The following LINGO2 variants were observed in gnomAD, a reference collection of about 807,000 sequenced individuals.
LINGO2 encodes the protein leucine rich repeat and Ig domain containing 2, also known as leucine-rich repeat and immunoglobulin-like domain-containing nogo receptor-interacting protein 2.
A neutral mutation model predicts 30.6 loss-of-function variants in LINGO2; 14 were observed. The observed-to-expected ratio is 0.46, with a 90% confidence interval of 0.30 to 0.72. The LOEUF (loss-of-function observed/expected upper bound fraction) is 0.72, where lower values mean the gene tolerates loss of function less well. Among genes scored for constraint, LINGO2 ranks in the 30% least tolerant of loss-of-function variants. The probability of loss-of-function intolerance (pLI) is 0.07; values close to 1 mark genes in which losing one functional copy is unlikely to be tolerated. For missense variants in LINGO2, 729 were observed against 751.7 expected (o/e 0.97, Z 0.35); for synonymous variants, 317 against 288.5 (o/e 1.10, Z -1.00).
the LINGO2 span, among the ~76,000 whole-genome samples, chr9:28,881,977 T>A: frequency 6.6e-6 from 1 of 152,240 alleles, no homozygotes; most frequent in Non-Finnish European, 1.5e-5. Flanking sequence ...TTTAATATTG[T>A]CAATTATATT....
chr9:29,126,426 A>C, the LINGO2 span, among the ~76,000 whole-genome samples: 1 of 152,142 alleles, frequency 6.6e-6, no homozygotes, highest in Non-Finnish European at 1.5e-5. Context: ...TAATAAATGT[A>C]ACCTTATGAT....
At chr9:28,928,775 G>C in the LINGO2 span, among the ~76,000 whole-genome samples, 1 of 152,114 alleles carries the variant, frequency 6.6e-6, no homozygotes, top group Non-Finnish European at 1.5e-5. Context: ...ATGAAATAGT[G>C]CAATTCCCTC....
the LINGO2 span, among the ~76,000 whole-genome samples, chr9:29,178,338 A>AT: frequency 8.6e-5 from 13 of 152,000 alleles, no homozygotes; most frequent in African/African-American, 2.2e-4. Context: ...TTATAGGCCC[A>AT]TTTTTTTCCT....
At chr9:28,554,000 G>A (rs188820277) in intron 1 of LINGO2, among the ~76,000 whole-genome samples, 227 of 152,102 alleles carry the variant, frequency 1.5e-3, no homozygotes, top group Admixed American at 2.9e-3. Flanking sequence ...TGAAGGAAGC[G>A]CTAAACTTAG....
At chr9:28,279,390 T>G (rs1406800774) in intron 4 of LINGO2, among the ~76,000 whole-genome samples, 2 of 152,180 alleles carry the variant, frequency 1.3e-5, no homozygotes, top group African/African-American at 4.8e-5. Context: ...TGAAAAGAAG[T>G]ATCAATTGAT....
chr9:28,673,707 A>ATCATC (rs2136053433), upstream of LINGO2, among the ~76,000 whole-genome samples: 1 of 152,080 alleles, frequency 6.6e-6, no homozygotes, highest in African/African-American at 2.4e-5. Flanking sequence ...CATCATCATA[A>ATCATC]ATATTGTTCA....
At chr9:28,678,878 T>C in the LINGO2 span, among the ~76,000 whole-genome samples, 1 of 152,186 alleles carries the variant, frequency 6.6e-6, no homozygotes, top group African/African-American at 2.4e-5. Flanking sequence ...ACTCATTACA[T>C]ATTTATTTAA....
At chr9:28,604,246 A>T (rs889059189) in intron 1 of LINGO2, among the ~76,000 whole-genome samples, 16 of 151,970 alleles carry the variant, frequency 1.1e-4, no homozygotes, top group Non-Finnish European at 2.2e-4. Flanking sequence ...ATAGTAAAAA[A>T]CTAAATGCCC....
At chr9:28,171,503 G>A (rs574893461) in intron 4 of LINGO2, among the ~76,000 whole-genome samples, 1 of 152,224 alleles carries the variant, frequency 6.6e-6, no homozygotes, top group African/African-American at 2.4e-5. Context: ...ATCACAGAGG[G>A]CTTGGGAAGC....
rs117629494 is a variant in LINGO2 at position 28,121,127 on chromosome 9, C to G, written c.-86-108722G>C. Among the ~76,000 whole-genome samples the G allele has an allele frequency of 4.6e-3, 701 of 151,920 alleles. 14 individuals carry two copies. The highest frequency in any genetic ancestry group is 0.023 in the Admixed American group (350 of 15,254). On this transcript the variant is annotated intron_variant, in intron 4 of 5. Coordinates refer to ENST00000379992, the Ensembl canonical transcript of LINGO2. ...TTATTCATAGACTGTAAATTTGTGG[C>G]AGAAAAATACCATAAAACAAACTAG...
chr9:29,106,283 C>T, the LINGO2 span, among the ~76,000 whole-genome samples: 19 of 152,230 alleles, frequency 1.2e-4, no homozygotes, highest in South Asian at 1.9e-3. Context: ...AGAAAATAAT[C>T]GTGCTGTCAC....
At chr9:28,342,084 G>A (rs73433317) in intron 3 of LINGO2, among the ~76,000 whole-genome samples, 2,743 of 152,170 alleles carry the variant, frequency 0.018, 70 homozygotes, top group African/African-American at 0.062. Context: ...CTAAGGGACC[G>A]TATGTTAACT....
the LINGO2 span, among the ~76,000 whole-genome samples, chr9:29,070,495 G>C: frequency 6.6e-6 from 1 of 152,116 alleles, no homozygotes; most frequent in Non-Finnish European, 1.5e-5. Flanking sequence ...AACCTGAAGT[G>C]AATCAGTGCA....
At chr9:28,956,996 A>G in the LINGO2 span, among the ~76,000 whole-genome samples, 3 of 151,932 alleles carry the variant, frequency 2.0e-5, no homozygotes, top group Non-Finnish European at 4.4e-5. Context: ...ACCCTTATGA[A>G]TCCAGGATTC....
At chr9:28,502,649 A>G (rs1281286471) in intron 1 of LINGO2, among the ~76,000 whole-genome samples, 4 of 152,106 alleles carry the variant, frequency 2.6e-5, no homozygotes, top group African/African-American at 4.8e-5. Context: ...TATTATAGTG[A>G]CATTTGTTAT....
intron 4 of LINGO2, among the ~76,000 whole-genome samples, chr9:28,033,658 AT>A (rs1162806650): frequency 6.6e-6 from 1 of 152,162 alleles, no homozygotes; most frequent in African/African-American, 2.4e-5. Flanking sequence ...CAAAAAAAAA[AT>A]TACTTCAAAA....
intron 1 of LINGO2, among the ~76,000 whole-genome samples, chr9:28,508,165 A>G (rs538138897): frequency 1.3e-5 from 2 of 152,174 alleles, no homozygotes; most frequent in South Asian, 2.1e-4. Context: ...ATCAATACAC[A>G]TATTTCCCTA....
intron 2 of LINGO2, among the ~76,000 whole-genome samples, chr9:28,392,032 G>A (rs976135001): frequency 6.6e-6 from 1 of 151,998 alleles, no homozygotes; most frequent in East Asian, 1.9e-4. Context: ...GTGAAACCCC[G>A]TCTCTACTAA....
chr9:28,556,421 T>C (rs1213350287), intron 1 of LINGO2, among the ~76,000 whole-genome samples: 1 of 151,982 alleles, frequency 6.6e-6, no homozygotes, highest in East Asian at 1.9e-4. Flanking sequence ...ATAAAATACC[T>C]AGGAATCCAA....
Sources: allele counts gnomAD v4.1 joint callset (sites outside exome capture counted in the v4.1 genomes callset), GRCh38; gene constraint gnomAD v4.1.1; transcripts MANE v1.5; gene names NCBI Gene and HGNC (gene_info 2026-07-23, HGNC 2026-07-21).